SLC39A11: variants seen among roughly 807,000 people sequenced by gnomAD.
SLC39A11 encodes zinc transporter ZIP11.
In SLC39A11, 33 loss-of-function variants were observed where a neutral mutation model predicts 36.1. The observed-to-expected ratio is 0.91, with a 90% CI of 0.69 to 1.22. The LOEUF is 1.22. SLC39A11 is among the 50% of genes most tolerant of loss of function. The pLI is 0.00. For synonymous variants in SLC39A11, 166 were observed against 170.3 expected (o/e 0.97, Z 0.20); for missense variants, 432 against 430.3 (o/e 1.00, Z -0.03).
chr17:72,898,449 G>T (rs926248608), intron 5 of SLC39A11, among the ~76,000 whole-genome samples: 1 of 152,180 alleles, frequency 6.6e-6, no homozygotes, highest in African/African-American at 2.4e-5. Context: ...AGGAGGGAAG[G>T]CATGAATTTC....
rs766302530 is a variant in SLC39A11 at position 72,736,632 on chromosome 17, C to T, written c.671+18G>A. The T allele has an allele frequency of 6.2e-6, 10 of 1,611,952 alleles. No individual in the cohort carries two copies. In the South Asian group the frequency reaches 9.9e-5, roughly 16 times the overall value. ...TGGGTGCAGAACCATGCTCTAGGGTCCCAGGATGCTGGCTTACCTGGCACT... is the reference window on the plus strand; with the variant it reads ...TGGGTGCAGAACCATGCTCTAGGGTTCCAGGATGCTGGCTTACCTGGCACT... On this transcript the variant is annotated intron_variant, in intron 7 of 9. Coordinates refer to ENST00000255559, the MANE Select transcript of SLC39A11 (RefSeq NM_139177.4).
rs70938142 is a variant in SLC39A11, at chr17:73,050,323, CAAAAA to C, written c.148-18614_148-18610del. On this transcript the variant is annotated intron_variant, in intron 3 of 9. Coordinates refer to ENST00000255559, the MANE Select transcript of SLC39A11 (RefSeq NM_139177.4). ...CAGAACAAGTTTGGTCTGTTTGTGG[CAAAAA>C]AAAAAAAAAAAAAAAGACCTTGGCA... 1.5e-4 allele frequency among the ~76,000 whole-genome samples: 15 copies of C among 98,808 alleles called. No individual in the cohort carries two copies. In the East Asian group the frequency reaches 1.9e-3, roughly 12 times the overall value. 64.8% of individuals were successfully genotyped at this position (98,808 alleles called of 152,430 possible).
At chr17:72,921,317 A>G (rs1240611487) in intron 5 of SLC39A11, among the ~76,000 whole-genome samples, 1 of 152,186 alleles carries the variant, frequency 6.6e-6, no homozygotes, top group African/African-American at 2.4e-5. Flanking sequence ...GGGGGGATCA[A>G]CTGGTGATAC....
chr17:72,930,049 C>T (rs532814545), intron 5 of SLC39A11, among the ~76,000 whole-genome samples: 1 of 152,176 alleles, frequency 6.6e-6, no homozygotes, highest in Non-Finnish European at 1.5e-5. Flanking sequence ...TTTTAAAATA[C>T]AGTTTCTGAG....
At chr17:72,953,983 A>C (rs1472217) in intron 4 of SLC39A11, among the ~76,000 whole-genome samples, 133,883 of 152,228 alleles carry the variant, frequency 0.88, 59,728 homozygotes, top group East Asian at 1. Flanking sequence ...TCATTCAACT[A>C]AGGCTGTGAT....
At chr17:73,033,646 G>A (rs994186608) in intron 3 of SLC39A11, among the ~76,000 whole-genome samples, 1 of 152,166 alleles carries the variant, frequency 6.6e-6, no homozygotes, top group African/African-American at 2.4e-5. Flanking sequence ...TCTTACAGAT[G>A]CTATGACATC....
chr17:72,789,430 A>G (rs1166497376), intron 6 of SLC39A11, among the ~76,000 whole-genome samples: 1 of 152,234 alleles, frequency 6.6e-6, no homozygotes, highest in Non-Finnish European at 1.5e-5. Flanking sequence ...TCAAAGAAGT[A>G]CTTGTTAGGG....
At chr17:73,038,617 G>A (rs987440055) in intron 3 of SLC39A11, among the ~76,000 whole-genome samples, 6 of 151,844 alleles carry the variant, frequency 4.0e-5, no homozygotes, top group African/African-American at 1.2e-4. Flanking sequence ...TGAGACAGGA[G>A]AATCACTTGA....
At chr17:72,781,236 G>A (rs1276913115) in intron 6 of SLC39A11, among the ~76,000 whole-genome samples, 2 of 152,088 alleles carry the variant, frequency 1.3e-5, no homozygotes, top group African/African-American at 4.8e-5. Flanking sequence ...ATGAATCCAC[G>A]ATCCTCTCAA....
chr17:72,796,693 C>G (rs566274491), intron 6 of SLC39A11, among the ~76,000 whole-genome samples: 3 of 152,274 alleles, frequency 2.0e-5, no homozygotes, highest in African/African-American at 7.2e-5. Context: ...ACACACAAAT[C>G]CAGCAGCATC....
chr17:72,793,582 G>C (rs1351197782), intron 6 of SLC39A11, among the ~76,000 whole-genome samples: 1 of 152,226 alleles, frequency 6.6e-6, no homozygotes, highest in Non-Finnish European at 1.5e-5. Context: ...AGAGGGAAAT[G>C]CTTCTTTTTT....
At chr17:72,847,704 CA>C (rs964551968) in intron 6 of SLC39A11, among the ~76,000 whole-genome samples, 177 of 151,634 alleles carry the variant, frequency 1.2e-3, no homozygotes, top group African/African-American at 4.1e-3. Context: ...TTAAAGACGA[CA>C]AAAAAAAGTC....
rs74553796 is a variant in SLC39A11 at position 72,735,377 on chromosome 17, C to T, written c.671+1273G>A. Among the ~76,000 whole-genome samples, 574 of 152,164 alleles carry T rather than the reference C, an allele frequency of 3.8e-3. 5 individuals carry two copies. The highest frequency in any genetic ancestry group is 0.013 in the African/African-American group (541 of 41,508). ...AACAGGCCCCACGCAGGCTTGGTAA[C>T]CAGGGAAGGATGGAAAAGGGGTTAT... is the stretch of plus-strand genomic sequence containing the variant. On this transcript the variant is annotated intron_variant, in intron 7 of 9. Transcript: ENST00000255559.
intron 7 of SLC39A11, among the ~76,000 whole-genome samples, chr17:72,690,630 A>G (rs1331507752): frequency 6.6e-6 from 1 of 152,218 alleles, no homozygotes; most frequent in Non-Finnish European, 1.5e-5. Context: ...GAACAGTTCT[A>G]TAACCTCCTT....
chr17:72,900,371 A>G (rs537627410), intron 5 of SLC39A11, among the ~76,000 whole-genome samples: 2 of 152,058 alleles, frequency 1.3e-5, no homozygotes, highest in South Asian at 4.2e-4. Flanking sequence ...GGCAGGCATC[A>G]GGGTTCTGAG....
At chr17:72,919,669 CAAAA>C (rs35888661) in intron 5 of SLC39A11, among the ~76,000 whole-genome samples, 1 of 69,020 alleles carries the variant, frequency 1.4e-5, no homozygotes. Flanking sequence ...GAGAGTCCGT[CAAAA>C]AAAAAAAAAA....
chr17:72,912,820 CT>C (rs1313640972), intron 5 of SLC39A11, among the ~76,000 whole-genome samples: 2 of 152,158 alleles, frequency 1.3e-5, no homozygotes, highest in African/African-American at 2.4e-5. Flanking sequence ...CCCAGCCCTA[CT>C]TGCTCATCTC....
At chr17:72,791,289 T>C (rs2076693966) in intron 6 of SLC39A11, among the ~76,000 whole-genome samples, 1 of 152,112 alleles carries the variant, frequency 6.6e-6, no homozygotes, top group African/African-American at 2.4e-5. Context: ...ACCCTGTCTC[T>C]ACAAAAATAC....
rs537766510 is a variant in SLC39A11, at chr17:72,659,034, G to A, written c.672-9766C>T. On this transcript the variant is annotated intron_variant, in intron 7 of 9. Transcript: ENST00000255559. Reference sequence around the variant, plus strand: ...TGTGCCTTAGCCTTCTCAATTATACGACCTCCTGGGCAGAACCATGTCCTG... The same window carrying A: ...TGTGCCTTAGCCTTCTCAATTATACAACCTCCTGGGCAGAACCATGTCCTG... 6.0e-4 allele frequency among the ~76,000 whole-genome samples: 91 copies of A among 152,088 alleles called. 1 individual carries two copies. The highest frequency in any genetic ancestry group is 2.0e-3 in the African/African-American group (81 of 41,480).
Sources: allele counts gnomAD v4.1 joint callset (sites outside exome capture counted in the v4.1 genomes callset), GRCh38; gene constraint gnomAD v4.1.1; transcripts MANE v1.5; gene names NCBI Gene and HGNC (gene_info 2026-07-23, HGNC 2026-07-21).